The following CBLB variants were observed in gnomAD, a reference collection of about 807,000 sequenced individuals.
CBLB encodes the protein E3 ubiquitin-protein ligase CBL-B.
Under a neutral mutation model 104.9 loss-of-function variants are expected in CBLB, and 31 were observed. The observed-to-expected ratio is 0.30, with a 90% CI of 0.22 to 0.40. The LOEUF (loss-of-function observed/expected upper bound fraction) is 0.40, where lower values mean the gene tolerates loss of function less well. Ranked by LOEUF, CBLB falls within the 10% of genes least tolerant of loss-of-function variation. The pLI, the probability that CBLB is intolerant of heterozygous loss-of-function variation, is 1.00. For synonymous variants in CBLB, 440 were observed against 422.6 expected (o/e 1.04, Z -0.51); for missense variants, 1,062 against 1,214.6 (o/e 0.87, Z 1.87).
intron 4 of CBLB, 34 bp downstream of exon 4, chr3:105,776,362 T>C (rs755681683): frequency 6.2e-5 from 99 of 1,597,442 alleles, no homozygotes; most frequent in Non-Finnish European, 8.1e-5. Context: ...CCTTGAAAGA[T>C]AGATCCACAG....
At chr3:105,825,410 G>A (rs1049405984) in intron 3 of CBLB, among the ~76,000 whole-genome samples, 8 of 152,190 alleles carry the variant, frequency 5.3e-5, no homozygotes, top group African/African-American at 1.9e-4. Flanking sequence ...AAAGGAAGCG[G>A]AGAGGAAAGT....
rs180981234 is a variant in CBLB, at chr3:105,848,433, C to T, written c.419+4981G>A. On this transcript the variant is annotated intron_variant, in intron 3 of 18. Coordinates refer to ENST00000394030, the MANE Select transcript of CBLB (RefSeq NM_170662.5). ...AAGTAACTAGGAAATGTATTGAATG[C>T]CATTTACTTCTTTATCTTTCTATTT... 2.7e-4 allele frequency among the ~76,000 whole-genome samples: 41 copies of T among 152,186 alleles called. 1 individual carries two copies. The highest frequency in any genetic ancestry group is 2.2e-3 in the Admixed American group (33 of 15,250).
chr3:105,785,500 T>C (rs980219436), intron 3 of CBLB, among the ~76,000 whole-genome samples: 11 of 152,292 alleles, frequency 7.2e-5, no homozygotes, highest in Admixed American at 7.2e-4. Flanking sequence ...TCATGTGCAG[T>C]TTCCAGAAAC....
chr3:105,774,416 A>G (rs2152959379), intron 4 of CBLB, among the ~76,000 whole-genome samples: 1 of 152,254 alleles, frequency 6.6e-6, no homozygotes, highest in East Asian at 1.9e-4. Context: ...TAATAAAGGA[A>G]TAATTAATTT....
chr3:105,772,929 T>TTGCTGGTGGGAGTATGAAGTAG (rs2079026325), intron 4 of CBLB, among the ~76,000 whole-genome samples: 1 of 152,186 alleles, frequency 6.6e-6, no homozygotes, highest in Non-Finnish European at 1.5e-5. Flanking sequence ...CACTTCTACA[T>TTGCTGGTGGGAGTATGAAGTAG]TGCTGGTGGG....
intron 2 of CBLB, among the ~76,000 whole-genome samples, chr3:105,863,726 G>A (rs1443284739): frequency 6.6e-6 from 1 of 152,122 alleles, no homozygotes; most frequent in Admixed American, 6.6e-5. Flanking sequence ...GCAAAAGGCA[G>A]GAAAAGCCTA....
At chr3:105,683,567 A>T (rs1019750858) in intron 14 of CBLB, among the ~76,000 whole-genome samples, 3 of 152,222 alleles carry the variant, frequency 2.0e-5, no homozygotes, top group Admixed American at 2.0e-4. Flanking sequence ...ATGAAAAAAA[A>T]TAAGACTCCC....
Position 105,864,022 on chromosome 3 carries a change from G to GATTAGTAATC in CBLB, c.168+3378_168+3387dup, listed in dbSNP as rs1404732830. Among the ~76,000 whole-genome samples, 18 of 152,214 alleles carry GATTAGTAATC rather than the reference G, an allele frequency of 1.2e-4. 1 individual carries two copies. The highest frequency in any genetic ancestry group is 7.7e-4 in the East Asian group (4 of 5,188). On this transcript the variant is annotated intron_variant, in intron 2 of 18. Coordinates refer to ENST00000394030, the MANE Select transcript of CBLB (RefSeq NM_170662.5). ...AATAAATTATCATTCCAACCATACT[G>GATTAGTAATC]ATTAGTAATCATTTCCTTACTCTCA...
At chr3:105,768,651 CTT>C (rs1488891668) in intron 4 of CBLB, among the ~76,000 whole-genome samples, 1 of 152,210 alleles carries the variant, frequency 6.6e-6, no homozygotes, top group African/African-American at 2.4e-5. Context: ...TTTTCACCAA[CTT>C]TTGCATAGAA....
At position 105,853,891 on chromosome 3, in the gene CBLB, C is replaced by T. The variant is rs1000051842; in HGVS notation, c.169-227G>A. Among the ~76,000 whole-genome samples, 74 of 152,140 alleles carry T rather than the reference C, an allele frequency of 4.9e-4. 1 individual carries two copies. The highest frequency in any genetic ancestry group is 2.0e-3 in the Admixed American group (31 of 15,282). ...TTCTATATCATATCCTTATTTTGAA[C>T]CTCTAAAGTTTAATTCTAAGATACC... On this transcript the variant is annotated intron_variant, in intron 2 of 18. Transcript: ENST00000394030.
intron 3 of CBLB, chr3:105,839,371 A>C (rs1358533015): frequency 6.6e-6 from 1 of 152,234 alleles, no homozygotes; most frequent in Non-Finnish European, 1.5e-5. Context: ...TTGAGACAAG[A>C]TAGGAAATGT....
At chr3:105,857,782 G>A (rs775355733) in intron 2 of CBLB, among the ~76,000 whole-genome samples, 5 of 152,148 alleles carry the variant, frequency 3.3e-5, no homozygotes, top group Non-Finnish European at 7.4e-5. Context: ...ACACAGAAAG[G>A]AATAAATCAC....
At chr3:105,705,961 C>A (rs757976097) in intron 10 of CBLB, among the ~76,000 whole-genome samples, 1 of 152,108 alleles carries the variant, frequency 6.6e-6, no homozygotes, top group Non-Finnish European at 1.5e-5. Context: ...CATGGCAAGA[C>A]CTCCTCTTTA....
intron 4 of CBLB, among the ~76,000 whole-genome samples, chr3:105,768,269 T>C (rs1026326896): frequency 6.6e-6 from 1 of 152,150 alleles, no homozygotes; most frequent in African/African-American, 2.4e-5. Context: ...TTATGAGCAA[T>C]ATTATCTTTG....
At chr3:105,709,050 T>A (rs1487786713) in intron 10 of CBLB, among the ~76,000 whole-genome samples, 1 of 151,884 alleles carries the variant, frequency 6.6e-6, no homozygotes, top group Non-Finnish European at 1.5e-5. Flanking sequence ...TTCCTCCCAC[T>A]ATCAGCTCTT....
At chr3:105,845,681 T>C (rs918115403) in intron 3 of CBLB, among the ~76,000 whole-genome samples, 1 of 152,096 alleles carries the variant, frequency 6.6e-6, no homozygotes, top group Non-Finnish European at 1.5e-5. Context: ...CAGTCAAAGA[T>C]TCTGCAAGCT....
chr3:105,783,941 A>G lies in CBLB; in HGVS notation c.420-7399T>C, dbSNP rs1187728280. Among the ~76,000 whole-genome samples the G allele has an allele frequency of 2.0e-5, 3 of 152,238 alleles. No individual in the cohort carries two copies. In the East Asian group the frequency reaches 5.8e-4, roughly 29 times the overall value. On this transcript the variant is annotated intron_variant, in intron 3 of 18. Transcript: ENST00000394030. ...AACCTTATCTCAATATATTCAATAA[A>G]GCTTCCCAAATGATTTTTTTAATGT...
At chr3:105,814,509 G>A (rs911249518) in intron 3 of CBLB, among the ~76,000 whole-genome samples, 6 of 152,006 alleles carry the variant, frequency 3.9e-5, no homozygotes, top group South Asian at 2.1e-4. Context: ...GGAAAATAGC[G>A]TACATGTACA....
chr3:105,763,094 C>T (rs534287981), intron 4 of CBLB, among the ~76,000 whole-genome samples: 11 of 152,298 alleles, frequency 7.2e-5, no homozygotes, highest in Admixed American at 2.0e-4. Context: ...CCTGTAGACC[C>T]TTTGTTTTGG....
Sources: allele counts gnomAD v4.1 joint callset (sites outside exome capture counted in the v4.1 genomes callset), GRCh38; gene constraint gnomAD v4.1.1; transcripts MANE v1.5; gene names NCBI Gene and HGNC (gene_info 2026-07-23, HGNC 2026-07-21).